CACTIN: variants seen among roughly 807,000 people sequenced by gnomAD.
CACTIN encodes splicing factor Cactin.
In CACTIN, 20 loss-of-function variants were observed where a neutral mutation model predicts 84.9. The observed-to-expected ratio is 0.24, with a 90% CI of 0.17 to 0.34. The LOEUF (loss-of-function observed/expected upper bound fraction) is 0.34. CACTIN is among the 10% of genes least tolerant of loss of function. The probability of loss-of-function intolerance (pLI) is 1.00; values close to 1 mark genes in which losing one functional copy is unlikely to be tolerated. For synonymous variants in CACTIN, 549 were observed against 467.9 expected (o/e 1.17, Z -2.24); for missense variants, 897 against 1,117.2 (o/e 0.80, Z 2.81).
rs1338813123 is a variant in CACTIN, at chr19:3,623,682, G to A, written c.642+6C>T. 3.1e-6 allele frequency: 5 copies of A among 1,595,106 alleles called. No individual in the cohort carries two copies. Among genetic ancestry groups the A allele is most frequent in the Non-Finnish European group, 4.3e-6 (5 of 1,168,518 alleles). The stretch of plus-strand genomic sequence containing the variant: ...GGGACAGAGGCCACCACCCGGCGGG[G>A]CCCACCTTATTCCAGATGAAGGTGC... On this transcript the variant is annotated splice_donor_region_variant and intron_variant, in intron 2 of 9. Transcript: ENST00000429344.
chr19:3,616,711 GCATGCAGTCACT>G (rs1471023874), intron 6 of CACTIN: 1 of 152,146 alleles, frequency 6.6e-6, no homozygotes, highest in Non-Finnish European at 1.5e-5. Flanking sequence ...AAAAGAAAAA[GCATGCAGTCACT>G]CATGCCTTTA....
chr19:3,620,530 G>C (rs2033201576), intron 3 of CACTIN, 177 bp downstream of exon 3: 4 of 658,914 alleles, frequency 6.1e-6, no homozygotes, highest in Non-Finnish European at 7.8e-6. Flanking sequence ...GGCCAGCAGA[G>C]CCGAGAGGTG....
In CACTIN at chr19:3,612,316, G is replaced by A. The variant is rs1442229848; in HGVS notation, c.1884C>T (p.Thr628=). Reference sequence around the variant, plus strand: ...TGTCGGCCCACAGGTAGGCCTTGCCGGTGAGTGGCATCTCCACGCTGAACT... The same window carrying A: ...TGTCGGCCCACAGGTAGGCCTTGCCAGTGAGTGGCATCTCCACGCTGAACT... ...EAQFSVEMPL[T]GKAYLWADKY... The change falls in exon 10 of 10, where the codon ACC becomes ACT. Residue 628 remains threonine, a synonymous_variant. Coordinates refer to ENST00000429344, the MANE Select transcript of CACTIN (RefSeq NM_001080543.2). 2 of 1,612,556 alleles carry A rather than the reference G, an allele frequency of 1.2e-6. No homozygotes were observed. The highest frequency in any genetic ancestry group is 1.7e-6 in the Non-Finnish European group (2 of 1,179,878).
At chr19:3,617,036 G>A (rs1411253026) in intron 6 of CACTIN, among the ~76,000 whole-genome samples, 1 of 152,164 alleles carries the variant, frequency 6.6e-6, no homozygotes, top group Non-Finnish European at 1.5e-5. Flanking sequence ...CAGGAGAATC[G>A]CTTGAATCTG....
chr19:3,611,898 A>G lies in CACTIN; in HGVS notation c.*25T>C. On this transcript the variant is annotated 3_prime_UTR_variant, in exon 10 of 10. Transcript: ENST00000429344. ...GCCCCTTTACTGTGCCCCCGAGGAC[A>G]CCTGCCTGCCGTTCCCCAGGGCCGT... The G allele has an allele frequency of 6.2e-7, 1 of 1,609,650 alleles. No homozygotes were observed. Among genetic ancestry groups the G allele is most frequent in the Non-Finnish European group, 8.5e-7 (1 of 1,179,018 alleles).
At chr19:3,612,981 G>A (rs8111805) in intron 9 of CACTIN, 77 bp downstream of exon 9, 27 of 1,487,112 alleles carry the variant, frequency 1.8e-5, no homozygotes, top group South Asian at 6.2e-5. Context: ...GGCTTCGGCC[G>A]GGAAATGAGG....
rs1055465271 is a variant in CACTIN, at chr19:3,611,262, C to A, written c.*661G>T. On this transcript the variant is annotated 3_prime_UTR_variant, in exon 10 of 10. Coordinates refer to ENST00000429344, the MANE Select transcript of CACTIN (RefSeq NM_001080543.2). ...GGGAAATGGACCCCACCAGCCAGCA[C>A]GGGGTGAGTTGGGGGCCAGTCCCTG... 2.2e-6 allele frequency: 1 copy of A among 451,604 alleles called. No individual in the cohort carries two copies. The allele number at this position is 451,604 out of a possible 1,614,324, so 28.0% of individuals were successfully genotyped here.
intron 6 of CACTIN, among the ~76,000 whole-genome samples, chr19:3,617,482 A>G (rs1270737520): frequency 6.6e-6 from 1 of 152,176 alleles, no homozygotes; most frequent in Non-Finnish European, 1.5e-5. Flanking sequence ...GTGAGGGGAA[A>G]GGAGGGCTGA....
At chr19:3,617,365 G>A in intron 6 of CACTIN, among the ~76,000 whole-genome samples, 1 of 152,222 alleles carries the variant, frequency 6.6e-6, no homozygotes, top group East Asian at 1.9e-4. Context: ...GGACAGCAAA[G>A]TCAAGACCCC....
At chr19:3,618,491 T>A (rs2041050) in intron 6 of CACTIN, among the ~76,000 whole-genome samples, 1 of 152,132 alleles carries the variant, frequency 6.6e-6, no homozygotes, top group Non-Finnish European at 1.5e-5. Context: ...ACGGGACAGG[T>A]AGCGCCCTGA....
In CACTIN at chr19:3,612,097, G is replaced by T. The variant is rs1024724333; in HGVS notation, c.2103C>A (p.Asp701Glu). 1 of 1,613,846 alleles carries T rather than the reference G, an allele frequency of 6.2e-7. No homozygotes were observed. Among genetic ancestry groups the T allele is most frequent in the Non-Finnish European group, 8.5e-7 (1 of 1,179,894 alleles). Residue 701 changes from aspartate (D) to glutamate (E), a missense_variant, in exon 10 of 10, where the codon GAC (aspartate) becomes GAA (glutamate). Physicochemically the swap from Asp to Glu is conservative, Grantham distance 45 (BLOSUM62 2). Around this residue, in one of 8 missense-constraint regions of CACTIN, gnomAD observed 50 missense variants for 51.6 expected, o/e 0.97. Transcript: ENST00000429344. The part of the protein sequence containing the change: ...TPEYFLEACA[D>E]NKDFAILRFH... ...AGCGCAGGATGGCGAAATCCTTGTT[G>T]TCGGCGCAGGCCTCCAGGAAGTACT... is the stretch of plus-strand genomic sequence containing the variant.
At chr19:3,626,481 G>A (rs1427579859) in intron 1 of CACTIN, 115 bp downstream of exon 1, 2 of 1,119,096 alleles carry the variant, frequency 1.8e-6, no homozygotes, top group Non-Finnish European at 2.3e-6. Flanking sequence ...CCTTCTCTAG[G>A]AAGCCCTCCC....
chr19:3,613,132 AGTGGCAGCTC>A lies in CACTIN; in HGVS notation c.1702_1711del (p.Glu568TrpfsTer208). ...ATCCGGTTCCAGCACGTGCGCGTCC[AGTGGCAGCTC>A]GTGCGCCGTGAGCAGCCGCGGGCTG... is the stretch of plus-strand genomic sequence containing the variant. On this transcript the variant is annotated frameshift_variant, in exon 9 of 10. Coordinates refer to ENST00000429344, the MANE Select transcript of CACTIN (RefSeq NM_001080543.2). LOFTEE classifies it high-confidence loss of function. 1 of 1,606,794 alleles carries A rather than the reference AGTGGCAGCTC, an allele frequency of 6.2e-7. No individual in the cohort carries two copies.
chr19:3,612,669 G>A (rs999568294), intron 9 of CACTIN: 1 of 713,654 alleles, frequency 1.4e-6, no homozygotes. Flanking sequence ...TCCCCGCCGA[G>A]CGACAGGAGA....
At chr19:3,616,692 T>C (rs2033113523) in intron 6 of CACTIN, 1 of 152,164 alleles carries the variant, frequency 6.6e-6, no homozygotes, top group Admixed American at 6.6e-5. Flanking sequence ...TTTAATTTTG[T>C]AAAAATTAAA....
At chr19:3,612,958 C>G in intron 9 of CACTIN, 100 bp downstream of exon 9, 2 of 1,386,886 alleles carry the variant, frequency 1.4e-6, no homozygotes, top group South Asian at 2.5e-5. Flanking sequence ...AGCAGCTCCC[C>G]ACTGACGCCA....
In CACTIN at chr19:3,610,864, G is replaced by A. The variant is rs562371987; in HGVS notation, c.*1059C>T. On this transcript the variant is annotated 3_prime_UTR_variant, in exon 10 of 10. Coordinates refer to ENST00000429344, the MANE Select transcript of CACTIN (RefSeq NM_001080543.2). ...TCTGGGGGTCCGGGAGGCACTTTCC[G>A]TTTTGCTTCTGTTGGAGATGTTCCC... The A allele has an allele frequency of 4.8e-5, 22 of 456,742 alleles. No homozygotes were observed. The highest frequency in any genetic ancestry group is 2.1e-4 in the Admixed American group (9 of 42,580). 28.3% of individuals were successfully genotyped at this position (456,742 alleles called of 1,614,324 possible).
At position 3,620,244 on chromosome 19, in the gene CACTIN, C is replaced by A; in HGVS notation, c.767G>T (p.Arg256Leu). ...CTCCTGCTCGCGCATGGCCTTCTCC[C>A]GCTCCCGCTCCAGCCGCAGCTGCTT... ...KVKQLRLERE[R>L]EKAMREQELE... Residue 256 changes from arginine (R) to leucine (L), a missense_variant, in exon 4 of 10, where the codon CGG becomes CTG. By Grantham distance (102) the Arg-to-Leu change is moderately radical. Around this residue, in one of 8 missense-constraint regions of CACTIN, gnomAD observed 304 missense variants for 444.3 expected, o/e 0.68. Coordinates refer to ENST00000429344, the MANE Select transcript of CACTIN (RefSeq NM_001080543.2). 1 of 1,583,824 alleles carries A rather than the reference C, an allele frequency of 6.3e-7. No individual in the cohort carries two copies. The highest frequency in any genetic ancestry group is 8.5e-7 in the Non-Finnish European group (1 of 1,169,816).
At chr19:3,618,084 C>T (rs1056527092) in intron 6 of CACTIN, among the ~76,000 whole-genome samples, 27 of 150,510 alleles carry the variant, frequency 1.8e-4, no homozygotes, top group African/African-American at 5.9e-4. Context: ...GACAGGGATG[C>T]GTGGCCCATG....
Sources: gnomAD v4.1 joint callset for allele counts (sites outside exome capture counted in the v4.1 genomes callset) on GRCh38, gnomAD v4.1.1 for gene constraint, gnomAD v4.1.1 regional missense constraint, MANE v1.5 for transcripts, NCBI Gene and HGNC (gene_info 2026-07-23, HGNC 2026-07-21) for gene names.